Variants in VAMP7 observed in about 807,000 individuals in gnomAD.
The protein encoded by VAMP7 is vesicle associated membrane protein 7, also known as vesicle-associated membrane protein 7.
VAMP7 carries 14 observed loss-of-function variants against 29.6 expected under a neutral mutation model. The observed-to-expected ratio is 0.47, with a 90% confidence interval of 0.31 to 0.74. The LOEUF is 0.74. Among genes scored for constraint, VAMP7 ranks in the 30% least tolerant of loss-of-function variants. The probability of loss-of-function intolerance (pLI) is 0.05; values close to 1 mark genes in which losing one functional copy is unlikely to be tolerated. For synonymous variants in VAMP7, 95 were observed against 88.1 expected (o/e 1.08, Z -0.44); for missense variants, 223 against 262.4 (o/e 0.85, Z 1.04).
chrX:155,900,670 C>T (rs2066049742), intron 5 of VAMP7, 83 bp downstream of exon 5: 2 of 1,136,538 alleles, frequency 1.8e-6, no homozygotes, highest in Non-Finnish European at 2.6e-6. Flanking sequence ...CTAGAGAAGC[C>T]AAAATAGCAC....
At chrX:155,894,862 C>T (rs760120751) in intron 2 of VAMP7, among the ~76,000 whole-genome samples, 16 of 152,078 alleles carry the variant, frequency 1.1e-4, no homozygotes, top group East Asian at 5.8e-4. Flanking sequence ...GCGATCTGCC[C>T]GCCTCAGCCT....
intron 3 of VAMP7, among the ~76,000 whole-genome samples, chrX:155,897,035 T>C (rs192981762): frequency 6.6e-6 from 1 of 152,110 alleles, no homozygotes; most frequent in African/African-American, 2.4e-5. Flanking sequence ...ATTAACAAGA[T>C]CTAGTCATAG....
At position 155,918,869 on chromosome X, in the gene VAMP7, G is replaced by A. The variant is rs151055375; in HGVS notation, c.434-944G>A. Among the ~76,000 whole-genome samples the A allele has an allele frequency of 4.9e-3, 750 of 152,126 alleles. 5 individuals carry two copies. The highest frequency in any genetic ancestry group is 0.017 in the African/African-American group (695 of 41,524). The stretch of plus-strand genomic sequence containing the variant: ...GCTTTTATTCTCTATTCTATTGATG[G>A]AATGTTTCATGTTTATTGATTTGCA... On this transcript the variant is annotated intron_variant, in intron 5 of 7. Coordinates refer to ENST00000286448, the MANE Select transcript of VAMP7 (RefSeq NM_005638.6).
intron 6 of VAMP7, among the ~76,000 whole-genome samples, chrX:155,926,770 T>A (rs1341930539): frequency 6.6e-6 from 1 of 152,194 alleles, no homozygotes. Context: ...CTTAATTATT[T>A]TTATCTTTTG....
intron 2 of VAMP7, among the ~76,000 whole-genome samples, chrX:155,891,642 C>G (rs771296821): frequency 6.6e-6 from 1 of 152,220 alleles, no homozygotes; most frequent in East Asian, 1.9e-4. Context: ...AATTGCCTCA[C>G]ACAATTTCAA....
At chrX:155,886,504 C>T (rs1022992822) in intron 1 of VAMP7, among the ~76,000 whole-genome samples, 2 of 152,148 alleles carry the variant, frequency 1.3e-5, no homozygotes, top group Admixed American at 1.3e-4. Flanking sequence ...TAGTTATATT[C>T]TGAATAATGT....
intron 6 of VAMP7, among the ~76,000 whole-genome samples, chrX:155,934,329 G>T (rs1337889245): frequency 6.6e-6 from 1 of 152,124 alleles, no homozygotes; most frequent in Non-Finnish European, 1.5e-5. Context: ...TATTGTATGG[G>T]AGTCTAAGTC....
intron 6 of VAMP7, among the ~76,000 whole-genome samples, chrX:155,936,378 C>T (rs939223936): frequency 6.6e-6 from 1 of 152,166 alleles, no homozygotes; most frequent in Non-Finnish European, 1.5e-5. Flanking sequence ...CTTTGTTTAC[C>T]TACTCAAGCC....
chrX:155,907,599 T>C lies in VAMP7; in HGVS notation c.433+7012T>C, dbSNP rs1221900827. Among the ~76,000 whole-genome samples the C allele has an allele frequency of 9.2e-5, 14 of 151,924 alleles. No individual in the cohort carries two copies. In the East Asian group the frequency reaches 2.1e-3, roughly 23 times the overall value. On this transcript the variant is annotated intron_variant, in intron 5 of 7. Coordinates refer to ENST00000286448, the MANE Select transcript of VAMP7 (RefSeq NM_005638.6). ...GAGCACAGGGTTGGGGGTAAGGTCATAGATCAACAGGATCCCAAGGCAGAA... is the reference window on the plus strand; with the variant it reads ...GAGCACAGGGTTGGGGGTAAGGTCACAGATCAACAGGATCCCAAGGCAGAA...
chrX:155,915,914 T>C (rs1369858508), intron 5 of VAMP7, among the ~76,000 whole-genome samples: 1 of 152,174 alleles, frequency 6.6e-6, no homozygotes, highest in African/African-American at 2.4e-5. Context: ...GTCCTGAATA[T>C]CCTTGTTAAT....
intron 6 of VAMP7, among the ~76,000 whole-genome samples, chrX:155,937,169 G>T (rs758025668): frequency 8.6e-4 from 131 of 152,174 alleles, no homozygotes; most frequent in African/African-American, 2.9e-3. Context: ...ACTAGACACA[G>T]ATAGATAAAT....
chrX:155,942,489 A>C lies in VAMP7; in HGVS notation c.*538A>C. On this transcript the variant is annotated 3_prime_UTR_variant, in exon 8 of 8. Transcript: ENST00000286448. ...AGCTCAGACAAGTAAAGTATGAAACATTCTTATTTCAGTTAGATGGGGAAC... is the reference window on the plus strand; with the variant it reads ...AGCTCAGACAAGTAAAGTATGAAACCTTCTTATTTCAGTTAGATGGGGAAC... 1 of 262,294 alleles carries C rather than the reference A, an allele frequency of 3.8e-6. No individual in the cohort carries two copies. Among genetic ancestry groups the C allele is most frequent in the Non-Finnish European group, 7.3e-6 (1 of 137,236 alleles). The allele number at this position is 262,294 out of a possible 1,614,324, so 16.2% of individuals were successfully genotyped here.
chrX:155,922,386 AC>A (rs1408359865), intron 6 of VAMP7, among the ~76,000 whole-genome samples: 7 of 152,044 alleles, frequency 4.6e-5, no homozygotes, highest in Non-Finnish European at 1.0e-4. Flanking sequence ...TTTTGTAGGT[AC>A]CCTTTAATAG....
At chrX:155,935,814 T>TC (rs2066644143) in intron 6 of VAMP7, among the ~76,000 whole-genome samples, 1 of 152,174 alleles carries the variant, frequency 6.6e-6, no homozygotes, top group Non-Finnish European at 1.5e-5. Flanking sequence ...GCTGTTTTTT[T>TC]CCCTATCTTT....
intron 5 of VAMP7, among the ~76,000 whole-genome samples, chrX:155,916,375 T>C (rs1449373040): frequency 2.0e-5 from 3 of 152,218 alleles, no homozygotes; most frequent in Admixed American, 6.5e-5. Context: ...AATATTGTTA[T>C]GTGTGAATTT....
chrX:155,932,912 A>T (rs1230083279), intron 6 of VAMP7, among the ~76,000 whole-genome samples: 12 of 152,134 alleles, frequency 7.9e-5, no homozygotes, highest in African/African-American at 1.4e-4. Flanking sequence ...TTTAGCATGA[A>T]GGGCTGTTGA....
chrX:155,886,986 ATC>A (rs1339605826), intron 1 of VAMP7, among the ~76,000 whole-genome samples: 1 of 151,994 alleles, frequency 6.6e-6, no homozygotes. Flanking sequence ...ATGATTTCTT[ATC>A]TCTGTTTCTC....
At chrX:155,939,865 T>C in intron 7 of VAMP7, 72 bp downstream of exon 7, 1 of 1,234,278 alleles carries the variant, frequency 8.1e-7, no homozygotes, top group Non-Finnish European at 1.2e-6. Flanking sequence ...GAATTATTTC[T>C]CAATGATTAA....
rs1336186861 is a variant in VAMP7, at chrX:155,941,891, C to G, written c.603C>G (p.Ile201Met). The change falls in exon 8 of 8, where the codon ATC (isoleucine) becomes ATG (methionine). Residue 201 changes from isoleucine (I) to methionine (M), a missense_variant. Ile to Met is a conservative substitution (Grantham distance 10). Transcript: ENST00000286448. ...IIIIIVSIVF[I>M]YIIVSPLCGG... Reference sequence around the variant, plus strand: ...TCTCCTCGTCCCTCCAGGTGTTCATCTATATCATTGTTTCACCTCTCTGTG... The same window carrying G: ...TCTCCTCGTCCCTCCAGGTGTTCATGTATATCATTGTTTCACCTCTCTGTG... 5.0e-6 allele frequency: 8 copies of G among 1,613,640 alleles called. No homozygotes were observed. In the East Asian group the frequency reaches 8.9e-5, roughly 18 times the overall value.
Sources: allele counts gnomAD v4.1 joint callset (sites outside exome capture counted in the v4.1 genomes callset), GRCh38; gene constraint gnomAD v4.1.1; transcripts MANE v1.5; gene names NCBI Gene and HGNC (gene_info 2026-07-23, HGNC 2026-07-21).